PTK2: variants seen among roughly 807,000 people sequenced by gnomAD.
PTK2 encodes protein tyrosine kinase 2, also known as focal adhesion kinase 1.
PTK2 carries 45 observed loss-of-function variants against 150.1 expected under a neutral mutation model. The observed-to-expected ratio is 0.30, with a 90% CI of 0.24 to 0.38. The LOEUF is 0.38. PTK2 is among the 10% of genes least tolerant of loss of function. The probability of loss-of-function intolerance (pLI) is 1.00; values close to 1 mark genes in which losing one functional copy is unlikely to be tolerated. For missense variants in PTK2, 919 were observed against 1,307.3 expected (o/e 0.70, Z 4.58); for synonymous variants, 432 against 449.2 (o/e 0.96, Z 0.48).
Position 140,752,247 on chromosome 8 carries a change from ATT to A in PTK2, c.1400_1401del (p.Lys467IlefsTer12). The A allele has an allele frequency of 6.2e-7, 1 of 1,613,898 alleles. No homozygotes were observed. The highest frequency in any genetic ancestry group is 8.5e-7 in the Non-Finnish European group (1 of 1,179,856). Reference sequence around the variant, plus strand: ...AGACACTTACAGGCTTCTTGAAGAAATTTCTCTCTCACGCTGTCCGAAGTACA... The same window carrying A: ...AGACACTTACAGGCTTCTTGAAGAAATCTCTCTCACGCTGTCCGAAGTACA... On this transcript the variant is annotated frameshift_variant, in exon 17 of 32. Transcript: ENST00000522684. LOFTEE classifies it high-confidence loss of function.
intron 1 of PTK2, among the ~76,000 whole-genome samples, chr8:140,961,210 A>G (rs544671618): frequency 1.3e-5 from 2 of 152,344 alleles, no homozygotes; most frequent in Admixed American, 1.3e-4. Flanking sequence ...ACACTTTGCT[A>G]AGCTTATGGA....
At chr8:140,954,602 T>C (rs1367565386) in intron 1 of PTK2, 2 of 152,218 alleles carry the variant, frequency 1.3e-5, no homozygotes, top group East Asian at 3.8e-4. Flanking sequence ...AAACAATTTA[T>C]ATTTCTTCCC....
At chr8:140,780,614 G>A (rs2100081126) in intron 14 of PTK2, among the ~76,000 whole-genome samples, 1 of 152,186 alleles carries the variant, frequency 6.6e-6, no homozygotes, top group South Asian at 2.1e-4. Flanking sequence ...AGGTCTAGCT[G>A]ACACATACAG....
chr8:140,907,106 G>A (rs186752954), intron 2 of PTK2, among the ~76,000 whole-genome samples: 66 of 152,246 alleles, frequency 4.3e-4, no homozygotes, highest in African/African-American at 1.4e-3. Flanking sequence ...TGAAGAGGAC[G>A]CAATCGGATA....
intron 3 of PTK2, among the ~76,000 whole-genome samples, chr8:140,885,630 GCA>G (rs1463793561): frequency 1.3e-5 from 2 of 152,176 alleles, no homozygotes; most frequent in Non-Finnish European, 2.9e-5. Flanking sequence ...GTGAGAACAA[GCA>G]AGGAGCCACA....
chr8:140,994,728 C>T (rs750414520), intron 1 of PTK2, among the ~76,000 whole-genome samples: 1 of 152,174 alleles, frequency 6.6e-6, no homozygotes, highest in Non-Finnish European at 1.5e-5. Context: ...TAAACATGTG[C>T]ATTCCCACTA....
chr8:140,896,959 T>G (rs1432402158), intron 2 of PTK2, among the ~76,000 whole-genome samples: 1 of 152,240 alleles, frequency 6.6e-6, no homozygotes, highest in Non-Finnish European at 1.5e-5. Flanking sequence ...GACTGCTGGA[T>G]AGTAAAACAA....
At chr8:140,800,755 A>G (rs1004325026) in intron 11 of PTK2, among the ~76,000 whole-genome samples, 179 bp from the exon 12 acceptor site, 1 of 152,232 alleles carries the variant, frequency 6.6e-6, no homozygotes, top group Non-Finnish European at 1.5e-5. Flanking sequence ...TATTCCTAGA[A>G]TATGTGACAA....
At chr8:140,818,826 A>G (rs2100106342) in intron 9 of PTK2, 54 bp downstream of exon 9, 2 of 1,567,654 alleles carry the variant, frequency 1.3e-6, no homozygotes, top group Admixed American at 3.8e-5. Flanking sequence ...ACAGCAAGAG[A>G]CAAGAAAAAG....
chr8:140,699,213 T>C (rs2100028757), intron 26 of PTK2, among the ~76,000 whole-genome samples: 4 of 152,206 alleles, frequency 2.6e-5, no homozygotes, highest in South Asian at 2.1e-4. Context: ...TGTTTAATGA[T>C]ACAAAGCATG....
intron 27 of PTK2, among the ~76,000 whole-genome samples, chr8:140,676,147 TG>T (rs2100013510): frequency 6.6e-6 from 1 of 151,886 alleles, no homozygotes; most frequent in South Asian, 2.1e-4. Context: ...GAGGTCAAAA[TG>T]GGCGATAACC....
intron 26 of PTK2, among the ~76,000 whole-genome samples, chr8:140,691,207 T>C (rs964328224): frequency 7.1e-6 from 1 of 140,912 alleles, no homozygotes; most frequent in Non-Finnish European, 1.6e-5. Context: ...GGGTGGGGGG[T>C]CTCACTATGT....
intron 26 of PTK2, among the ~76,000 whole-genome samples, chr8:140,691,367 A>C (rs1238251631): frequency 1.3e-5 from 2 of 152,204 alleles, no homozygotes; most frequent in African/African-American, 2.4e-5. Flanking sequence ...CCTGATTTTC[A>C]TCTATGTAGC....
intron 14 of PTK2, among the ~76,000 whole-genome samples, chr8:140,787,303 C>T (rs562138016): frequency 1.5e-4 from 23 of 152,238 alleles, no homozygotes; most frequent in African/African-American, 5.3e-4. Flanking sequence ...AATTATTTAG[C>T]CTCTCTGGAA....
intron 26 of PTK2, among the ~76,000 whole-genome samples, chr8:140,693,589 A>T (rs1017008725): frequency 4.2e-5 from 6 of 141,492 alleles, no homozygotes; most frequent in African/African-American, 8.2e-5. Context: ...AAAAAAAAAA[A>T]AAAAAAAAAA....
At chr8:140,836,100 T>A (rs940096444) in intron 7 of PTK2, among the ~76,000 whole-genome samples, 7 of 152,174 alleles carry the variant, frequency 4.6e-5, no homozygotes, top group African/African-American at 9.7e-5. Context: ...TCAGACTTTT[T>A]AAAATGTATG....
At chr8:140,870,049 C>T (rs552712961) in intron 4 of PTK2, among the ~76,000 whole-genome samples, 1 of 152,030 alleles carries the variant, frequency 6.6e-6, no homozygotes, top group Admixed American at 6.5e-5. Context: ...AAAATGTACA[C>T]AAACACACCC....
chr8:140,709,125 G>A (rs2100035406), intron 23 of PTK2, among the ~76,000 whole-genome samples: 1 of 152,108 alleles, frequency 6.6e-6, no homozygotes, highest in Admixed American at 6.5e-5. Context: ...TTAAATAGGG[G>A]CATATAGGTG....
At chr8:140,809,607 C>G (rs886446146) in intron 10 of PTK2, among the ~76,000 whole-genome samples, 2 of 152,114 alleles carry the variant, frequency 1.3e-5, no homozygotes, top group African/African-American at 4.8e-5. Flanking sequence ...GAGTTTGAGA[C>G]CAGCTTGGGC....
Sources: allele counts gnomAD v4.1 joint callset (sites outside exome capture counted in the v4.1 genomes callset), GRCh38; gene constraint gnomAD v4.1.1; transcripts MANE v1.5; gene names NCBI Gene and HGNC (gene_info 2026-07-23, HGNC 2026-07-21).